KAT8: variants seen among roughly 807,000 people sequenced by gnomAD.
KAT8 encodes the protein histone acetyltransferase KAT8.
In KAT8, 40 loss-of-function variants were observed where a neutral mutation model predicts 62.9. The observed-to-expected ratio is 0.64, with a 90% CI of 0.49 to 0.83. KAT8 has a LOEUF of 0.83. Ranked by LOEUF, KAT8 falls within the 40% of genes least tolerant of loss-of-function variation. The probability of loss-of-function intolerance (pLI) is 0.00; values close to 1 mark genes in which losing one functional copy is unlikely to be tolerated. For synonymous variants in KAT8, 278 were observed against 254.5 expected, an observed-to-expected ratio of 1.09 and a Z score of -0.88; for missense variants, 387 against 614.8, an observed-to-expected ratio of 0.63 and a Z score of 3.92.
At chr16:31,127,956 G>C in intron 5 of KAT8, 94 bp from the exon 6 acceptor site, 1 of 850,560 alleles carries the variant, frequency 1.2e-6, no homozygotes, top group South Asian at 1.4e-5. Context: ...GAAACAGAGA[G>C]GCAGAGACTT....
chr16:31,124,901 C>T (rs1270841940), intron 3 of KAT8, among the ~76,000 whole-genome samples: 1 of 151,850 alleles, frequency 6.6e-6, no homozygotes. Flanking sequence ...TGCTGGTGGG[C>T]GCCTGTAATC....
Position 31,117,865 on chromosome 16 carries a change from C to T in KAT8, c.184C>T (p.Leu62=). ...CACGGTGGAGATCGGAGAAACGTAC[C>T]TGTGCCGGCGACCGGATAGCACCTG... ...EVTVEIGETY[L]CRRPDSTWHS... Residue 62 remains leucine (L), a synonymous_variant, in exon 1 of 11, where the codon CTG becomes TTG. Transcript: ENST00000219797. 3 of 1,413,640 alleles carry T rather than the reference C, an allele frequency of 2.1e-6. No individual in the cohort carries two copies. Among genetic ancestry groups the T allele is most frequent in the South Asian group, 2.9e-5 (2 of 69,244 alleles). 87.6% of individuals were successfully genotyped at this position (1,413,640 alleles called of 1,614,324 possible).
At chr16:31,124,617 C>T (rs1464334212) in intron 3 of KAT8, among the ~76,000 whole-genome samples, 2 of 151,612 alleles carry the variant, frequency 1.3e-5, no homozygotes, top group Non-Finnish European at 2.9e-5. Flanking sequence ...CCTGTAATCC[C>T]AGCTACTTGG....
At chr16:31,128,224 G>A in intron 6 of KAT8, 85 bp downstream of exon 6, 1 of 1,080,074 alleles carries the variant, frequency 9.3e-7, no homozygotes. Flanking sequence ...AAGGGGAGGG[G>A]GCAGCCTTAG....
intron 3 of KAT8, chr16:31,120,865 A>G (rs955747664): frequency 4.3e-6 from 1 of 231,786 alleles, no homozygotes; most frequent in African/African-American, 2.2e-5. Context: ...TGCTATAGCC[A>G]AGCACCCTGC....
In KAT8 at chr16:31,119,210, C is replaced by T. The variant is rs534990694; in HGVS notation, c.212-976C>T. On this transcript the variant is annotated intron_variant, in intron 1 of 10. Coordinates refer to ENST00000219797, the MANE Select transcript of KAT8 (RefSeq NM_032188.3). ...CTGTTGCCAGGCTGGAGTGCAGTGG[C>T]GCCATCTTGGCTCACTGCGATCTCT... 2.6e-5 allele frequency among the ~76,000 whole-genome samples: 4 copies of T among 152,162 alleles called. No homozygotes were observed. The South Asian group carries it at 8.3e-4, about 32-fold the overall frequency.
chr16:31,126,901 C>T (rs551091689), intron 3 of KAT8, 134 bp from the exon 4 acceptor site: 1 of 902,344 alleles, frequency 1.1e-6, no homozygotes, highest in East Asian at 2.5e-5. Flanking sequence ...GATAGGTTAG[C>T]TATTGGTGTG....
chr16:31,118,553 A>G (rs902693793), intron 1 of KAT8: 1 of 152,064 alleles, frequency 6.6e-6, no homozygotes, highest in African/African-American at 2.4e-5. Context: ...TTGTGATGTC[A>G]TCCTTGATTC....
chr16:31,121,216 G>C (rs542347755), intron 3 of KAT8: 1 of 151,952 alleles, frequency 6.6e-6, no homozygotes, highest in East Asian at 1.9e-4. Context: ...CGCCACCTGG[G>C]TTCAAGCAAT....
chr16:31,127,889 A>T (rs1187388775), intron 5 of KAT8, among the ~76,000 whole-genome samples, 161 bp from the exon 6 acceptor site: 1 of 152,182 alleles, frequency 6.6e-6, no homozygotes, highest in African/African-American at 2.4e-5. Flanking sequence ...TAAAAGCAGG[A>T]TCACTTTCCT....
chr16:31,119,436 C>T (rs1009517199), intron 1 of KAT8, among the ~76,000 whole-genome samples: 9 of 152,182 alleles, frequency 5.9e-5, no homozygotes, highest in Non-Finnish European at 8.8e-5. Context: ...GCGTGAGCCA[C>T]GATGCCCAGC....
intron 6 of KAT8, among the ~76,000 whole-genome samples, chr16:31,128,628 G>A (rs1342884696): frequency 6.6e-6 from 1 of 152,190 alleles, no homozygotes; most frequent in Non-Finnish European, 1.5e-5. Context: ...GGGCCTTGTG[G>A]TGGCCCCAAG....
intron 6 of KAT8, among the ~76,000 whole-genome samples, chr16:31,129,235 G>A (rs894684437): frequency 5.3e-5 from 8 of 152,238 alleles, no homozygotes; most frequent in African/African-American, 1.9e-4. Flanking sequence ...CTTGGGGCTT[G>A]ATTAGCCTTG....
intron 1 of KAT8, among the ~76,000 whole-genome samples, chr16:31,119,125 G>A (rs2057473536): frequency 6.6e-6 from 1 of 152,124 alleles, no homozygotes; most frequent in Admixed American, 6.6e-5. Flanking sequence ...TAGCTAGGAA[G>A]TAGGGAGCTG....
Position 31,130,465 on chromosome 16 carries a change from T to C in KAT8, c.1016T>C (p.Leu339Pro). The change falls in exon 9 of 11, where the codon CTC becomes CCC. Residue 339 changes from leucine to proline, a missense_variant. Leu to Pro is a moderately conservative substitution (Grantham distance 98). Coordinates refer to ENST00000219797, the MANE Select transcript of KAT8 (RefSeq NM_032188.3). The stretch of plus-strand genomic sequence containing the variant: ...TTTCTACTGCTGCCAGGTTATGAGC[T>C]CTCCAAGCTGGAGAGCACAGTCGGC... ...GKFLIAFSYE[L>P]SKLESTVGSP... 1 of 1,614,086 alleles carries C rather than the reference T, an allele frequency of 6.2e-7. No individual in the cohort carries two copies. The highest frequency in any genetic ancestry group is 8.5e-7 in the Non-Finnish European group (1 of 1,179,996).
chr16:31,125,124 A>G (rs755895994), intron 3 of KAT8, among the ~76,000 whole-genome samples: 2 of 151,452 alleles, frequency 1.3e-5, no homozygotes, highest in Non-Finnish European at 2.9e-5. Flanking sequence ...CCCAGAAGGC[A>G]GAGGTTGTGG....
Position 31,120,421 on chromosome 16 carries a change from A to G in KAT8, c.369A>G (p.Ser123=). The G allele has an allele frequency of 6.2e-7, 1 of 1,614,072 alleles. No individual in the cohort carries two copies. The highest frequency in any genetic ancestry group is 1.1e-5 in the South Asian group (1 of 91,086). ...KTVKDAVQKN[S]EKYLSELAEQ... is the part of the protein sequence containing the mutation. ...TGAAGGATGCTGTACAGAAGAACTC[A>G]GAGAAGTACCTGAGCGAGCTCGCAG... Residue 123 remains serine, a synonymous_variant, in exon 3 of 11, where the codon TCA becomes TCG. Coordinates refer to ENST00000219797, the MANE Select transcript of KAT8 (RefSeq NM_032188.3).
At chr16:31,127,458 G>A (rs2057540955) in intron 5 of KAT8, 105 bp downstream of exon 5, 1 of 1,204,686 alleles carries the variant, frequency 8.3e-7, no homozygotes, top group Non-Finnish European at 1.2e-6. Context: ...GGAGGAGACA[G>A]GCCCAAAGGA....
intron 3 of KAT8, 181 bp downstream of exon 3, chr16:31,120,695 G>T: frequency 1.7e-6 from 1 of 601,220 alleles, no homozygotes; most frequent in Non-Finnish European, 2.8e-6. Context: ...CAGACAGAGG[G>T]TAAGGGCTTC....
Sources: allele counts gnomAD v4.1 joint callset (sites outside exome capture counted in the v4.1 genomes callset), GRCh38; gene constraint gnomAD v4.1.1; transcripts MANE v1.5; gene names NCBI Gene and HGNC (gene_info 2026-07-23, HGNC 2026-07-21).